The following ITGB3 variants were observed in gnomAD, a reference collection of about 807,000 sequenced individuals.
ITGB3 encodes integrin beta-3.
In ITGB3, 48 loss-of-function variants were observed where a neutral mutation model predicts 85.8. The observed-to-expected ratio is 0.56, with a 90% CI of 0.44 to 0.71. The LOEUF (loss-of-function observed/expected upper bound fraction) is 0.71, where lower values mean the gene tolerates loss of function less well. ITGB3 is among the 30% of genes least tolerant of loss of function. The pLI, the probability that ITGB3 is intolerant of heterozygous loss-of-function variation, is 0.00. For synonymous variants in ITGB3, 363 were observed against 395.6 expected (o/e 0.92, Z 0.98); for missense variants, 861 against 1,019.1 (o/e 0.84, Z 2.11).
chr17:47,272,685 T>C (rs201069705), intron 1 of ITGB3, among the ~76,000 whole-genome samples: 1,183 of 105,674 alleles, frequency 0.011, 9 homozygotes, highest in African/African-American at 0.04. Flanking sequence ...TTCTTTTTTT[T>C]TCTTTCTTTC....
intron 8 of ITGB3, among the ~76,000 whole-genome samples, 199 bp from the exon 9 acceptor site, chr17:47,290,755 A>G (rs1320661040): frequency 6.6e-6 from 1 of 151,996 alleles, no homozygotes; most frequent in African/African-American, 2.4e-5. Context: ...GTGGAGATGG[A>G]AAGAGGGAGC....
intron 3 of ITGB3, 115 bp from the exon 4 acceptor site, chr17:47,284,328 A>G (rs1567764259): frequency 8.3e-7 from 1 of 1,211,822 alleles, no homozygotes; most frequent in Non-Finnish European, 1.2e-6. Flanking sequence ...AAAAGGGACC[A>G]GGGCTTTCTG....
intron 2 of ITGB3, among the ~76,000 whole-genome samples, chr17:47,275,602 T>A (rs984520562): frequency 6.6e-5 from 10 of 152,232 alleles, no homozygotes; most frequent in Non-Finnish European, 1.2e-4. Flanking sequence ...CTCTGTCTGC[T>A]TCTTTTTCAG....
rs891252528 is a variant in ITGB3 at position 47,253,932 on chromosome 17, G to T, written c.71G>T (p.Gly24Val). 4.2e-6 allele frequency: 6 copies of T among 1,419,594 alleles called. No homozygotes were observed. The African/African-American group carries it at 8.9e-5, about 21-fold the overall frequency. The allele number at this position is 1,419,594 out of a possible 1,614,324, so 87.9% of individuals were successfully genotyped here. Residue 24 changes from glycine to valine, a missense_variant, in exon 1 of 15, where the codon GGC (glycine) becomes GTC (valine). Transcript: ENST00000559488. ...GCGCTGGGGGCGCTGGCGGGCGTTG[G>T]CGTAGGAGGTGAGTGAGGCTCCGGC... ...VLALGALAGV[G>V]VGGPNICTTR...
chr17:47,275,747 CTT>C lies in ITGB3; in HGVS notation c.165+1245_165+1246del, dbSNP rs2065061396. ...CCAGCTCCGCACGTTGCTTTGGCCT[CTT>C]TGCCGTTCAGCACGGGAACTGCTTC... On this transcript the variant is annotated intron_variant, in intron 2 of 14. Transcript: ENST00000559488. Among the ~76,000 whole-genome samples the C allele has an allele frequency of 3.3e-5, 5 of 152,374 alleles. No individual in the cohort carries two copies. In the South Asian group the frequency reaches 1.0e-3, roughly 32 times the overall value.
Position 47,267,333 on chromosome 17 carries a change from G to T in ITGB3, c.80-7086G>T, listed in dbSNP as rs1223506762. On this transcript the variant is annotated intron_variant, in intron 1 of 14. Coordinates refer to ENST00000559488, the MANE Select transcript of ITGB3 (RefSeq NM_000212.3). ...ATGGTGAAGATTCCCACTTTAGCAG[G>T]AATGAGTCTGGGCCCCAGAGAATGA... 3.9e-5 allele frequency among the ~76,000 whole-genome samples: 6 copies of T among 152,280 alleles called. No homozygotes were observed. In the East Asian group the frequency reaches 1.2e-3, roughly 29 times the overall value.
chr17:47,300,357 G>GTA lies in ITGB3; in HGVS notation c.1914-120_1914-119insAT, dbSNP rs1218669971. The stretch of plus-strand genomic sequence containing the variant: ...CAGGCGCGCGCGCGCGTGTGTGTGT[G>GTA]TGTGTGTGTGTTTTAATGGAGGTGG... On this transcript the variant is annotated intron_variant, in intron 11 of 14. Coordinates refer to ENST00000559488, the MANE Select transcript of ITGB3 (RefSeq NM_000212.3). 4.0e-6 allele frequency: 3 copies of GTA among 745,678 alleles called. No individual in the cohort carries two copies. The African/African-American group carries it at 5.2e-5, about 13-fold the overall frequency. The allele number at this position is 745,678 out of a possible 1,614,324, so 46.2% of individuals were successfully genotyped here. A position where few individuals can be genotyped will look rare whatever the true frequency, so the allele number is the denominator to read the frequency against.
intron 10 of ITGB3, among the ~76,000 whole-genome samples, chr17:47,296,974 A>G (rs79189584): frequency 0.01 from 1,556 of 152,192 alleles, 34 homozygotes; most frequent in East Asian, 0.05. Flanking sequence ...TGACTCCTAA[A>G]ATGTTCCTTC....
intron 4 of ITGB3, 117 bp downstream of exon 4, chr17:47,284,812 C>A: frequency 1.5e-6 from 2 of 1,372,078 alleles, no homozygotes; most frequent in Non-Finnish European, 2.1e-6. Context: ...CAAACTATAG[C>A]TCCTTTCTAC....
At chr17:47,269,481 C>A (rs555832977) in intron 1 of ITGB3, among the ~76,000 whole-genome samples, 36 of 152,290 alleles carry the variant, frequency 2.4e-4, no homozygotes, top group African/African-American at 8.4e-4. Flanking sequence ...AGGGCAGGGG[C>A]AAAATGCTGC....
At chr17:47,279,110 C>CA (rs1302830127) in intron 2 of ITGB3, among the ~76,000 whole-genome samples, 1 of 152,192 alleles carries the variant, frequency 6.6e-6, no homozygotes, top group Non-Finnish European at 1.5e-5. Flanking sequence ...TCCCAATTTC[C>CA]AAAATGGGAT....
At chr17:47,278,953 G>A (rs924086358) in intron 2 of ITGB3, among the ~76,000 whole-genome samples, 2 of 152,186 alleles carry the variant, frequency 1.3e-5, no homozygotes, top group Non-Finnish European at 2.9e-5. Context: ...TAAAAGGTTG[G>A]GAACCTCTGT....
At chr17:47,255,968 A>AAAATAAAT (rs574713478) in intron 1 of ITGB3, among the ~76,000 whole-genome samples, 5,852 of 150,916 alleles carry the variant, frequency 0.039, 173 homozygotes, top group East Asian at 0.087. Context: ...CAACTCAGTA[A>AAAATAAAT]AAATAAATAA....
At chr17:47,265,495 C>A (rs1228873282) in intron 1 of ITGB3, among the ~76,000 whole-genome samples, 1 of 152,184 alleles carries the variant, frequency 6.6e-6, no homozygotes, top group Non-Finnish European at 1.5e-5. Context: ...CTGTATCACT[C>A]CAATCTCTGC....
chr17:47,273,430 G>A (rs4486970), intron 1 of ITGB3, among the ~76,000 whole-genome samples: 1 of 152,232 alleles, frequency 6.6e-6, no homozygotes. Context: ...GGCTGGAGCA[G>A]GAATGCTGAG....
Position 47,284,642 on chromosome 17 carries a change from G to T in ITGB3, c.561G>T (p.Val187=). Residue 187 remains valine (V), a synonymous_variant, in exon 4 of 15, where the codon GTG becomes GTT. Coordinates refer to ENST00000559488, the MANE Select transcript of ITGB3 (RefSeq NM_000212.3). ...IGFGAFVDKP[V]SPYMYISPPE... is the part of the protein sequence containing the mutation. Reference sequence around the variant, plus strand: ...TCGGGGCATTTGTGGACAAGCCTGTGTCACCATACATGTATATCTCCCCAC... The same window carrying T: ...TCGGGGCATTTGTGGACAAGCCTGTTTCACCATACATGTATATCTCCCCAC... 6.2e-7 allele frequency: 1 copy of T among 1,614,088 alleles called. No homozygotes were observed. The highest frequency in any genetic ancestry group is 8.5e-7 in the Non-Finnish European group (1 of 1,180,020).
At chr17:47,282,610 C>T (rs1015925010) in intron 2 of ITGB3, among the ~76,000 whole-genome samples, 1 of 152,168 alleles carries the variant, frequency 6.6e-6, no homozygotes, top group African/African-American at 2.4e-5. Flanking sequence ...CCTTACACTG[C>T]CTTTCCCTAT....
At chr17:47,306,900 A>G (rs1205238946) in intron 13 of ITGB3, among the ~76,000 whole-genome samples, 10 of 152,080 alleles carry the variant, frequency 6.6e-5, no homozygotes, top group African/African-American at 2.4e-4. Context: ...GGCTGGTCTC[A>G]AACTCCTGAC....
At chr17:47,303,609 A>T (rs1037670498) in intron 13 of ITGB3, 1 of 152,364 alleles carries the variant, frequency 6.6e-6, no homozygotes, top group African/African-American at 2.4e-5. Flanking sequence ...TTACTGCAGG[A>T]TGTAGGGATA....
Sources: gnomAD v4.1 joint callset for allele counts (sites outside exome capture counted in the v4.1 genomes callset) on GRCh38, gnomAD v4.1.1 for gene constraint, MANE v1.5 for transcripts, NCBI Gene and HGNC (gene_info 2026-07-23, HGNC 2026-07-21) for gene names.